Variants in C12orf42 observed in about 807,000 individuals in gnomAD.
The protein encoded by C12orf42 is uncharacterized protein C12orf42.
A neutral mutation model predicts 21.6 loss-of-function variants in C12orf42; 25 were observed. That is an observed-to-expected ratio of 1.16 (90% CI 0.84 to 1.62). The LOEUF (loss-of-function observed/expected upper bound fraction) is 1.62, where lower values mean the gene tolerates loss of function less well. C12orf42 is among the 40% of genes most tolerant of loss of function. C12orf42 has a pLI of 0.00. For missense variants in C12orf42, 483 were observed against 459.3 expected (o/e 1.05, Z -0.47); for synonymous variants, 174 against 175.0 (o/e 0.99, Z 0.05).
At chr12:103,495,180 T>C (rs1404527378) in intron 1 of C12orf42, among the ~76,000 whole-genome samples, 1 of 150,364 alleles carries the variant, frequency 6.7e-6, no homozygotes, top group Non-Finnish European at 1.5e-5. Flanking sequence ...GAAGGAGGGG[T>C]TAAGCGTTTA....
chr12:103,420,463 T>C (rs1420924191), intron 2 of C12orf42, among the ~76,000 whole-genome samples: 1 of 152,218 alleles, frequency 6.6e-6, no homozygotes, highest in African/African-American at 2.4e-5. Flanking sequence ...CTGTATCCCT[T>C]TACTGCTCAT....
At chr12:103,200,362 A>G in the C12orf42 span, among the ~76,000 whole-genome samples, 1 of 152,228 alleles carries the variant, frequency 6.6e-6, no homozygotes, top group South Asian at 2.1e-4. Flanking sequence ...GTCAAAAGGC[A>G]TAAAGTTTCA....
chr12:103,138,357 G>A, the C12orf42 span, among the ~76,000 whole-genome samples: 1 of 152,156 alleles, frequency 6.6e-6, no homozygotes, highest in Non-Finnish European at 1.5e-5. Context: ...TAGTGAGTGA[G>A]TTCTCACAAG....
the C12orf42 span, among the ~76,000 whole-genome samples, chr12:103,199,874 T>C: frequency 1.3e-5 from 2 of 152,154 alleles, no homozygotes; most frequent in African/African-American, 2.4e-5. Flanking sequence ...CCTTTTACAA[T>C]GTTAATGGGT....
At chr12:103,069,358 T>C in the C12orf42 span, among the ~76,000 whole-genome samples, 1 of 152,098 alleles carries the variant, frequency 6.6e-6, no homozygotes, top group Non-Finnish European at 1.5e-5. Flanking sequence ...TAAATGTATA[T>C]AATACGTTAA....
intron 3 of C12orf42, among the ~76,000 whole-genome samples, chr12:103,400,530 T>C (rs1320828458): frequency 6.6e-6 from 1 of 152,234 alleles, no homozygotes; most frequent in East Asian, 1.9e-4. Context: ...ATATAACTAA[T>C]GAAACACCAT....
At chr12:103,142,522 G>A in the C12orf42 span, among the ~76,000 whole-genome samples, 1 of 152,124 alleles carries the variant, frequency 6.6e-6, no homozygotes, top group African/African-American at 2.4e-5. Flanking sequence ...ACTAAATTTG[G>A]TAGACTTAAT....
intron 2 of C12orf42, among the ~76,000 whole-genome samples, chr12:103,419,565 A>G (rs963507046): frequency 6.6e-6 from 1 of 152,086 alleles, no homozygotes; most frequent in African/African-American, 2.4e-5. Flanking sequence ...ATGGCTATAA[A>G]GACCAGTGAC....
intron 2 of C12orf42, among the ~76,000 whole-genome samples, chr12:103,417,375 A>T (rs1048976082): frequency 2.6e-5 from 4 of 152,152 alleles, no homozygotes; most frequent in African/African-American, 9.7e-5. Flanking sequence ...GTTAAACTTC[A>T]TGTTATTTTC....
At chr12:103,407,569 A>G (rs1023691395) in intron 2 of C12orf42, among the ~76,000 whole-genome samples, 2 of 152,332 alleles carry the variant, frequency 1.3e-5, no homozygotes, top group South Asian at 2.1e-4. Flanking sequence ...TTAAGAATAC[A>G]GTATATAATA....
chr12:103,346,612 C>T (rs531505922), intron 4 of C12orf42, among the ~76,000 whole-genome samples: 1 of 152,278 alleles, frequency 6.6e-6, no homozygotes, highest in East Asian at 1.9e-4. Context: ...AAAGTTGTTA[C>T]TCCTCTCTGG....
chr12:103,085,008 G>A, the C12orf42 span, among the ~76,000 whole-genome samples: 1 of 152,168 alleles, frequency 6.6e-6, no homozygotes, highest in East Asian at 1.9e-4. Flanking sequence ...AGGAGAACTG[G>A]GTAAGACAAT....
chr12:103,406,441 G>C lies in C12orf42; in HGVS notation c.79-4766C>G, dbSNP rs543044419. Among the ~76,000 whole-genome samples the C allele has an allele frequency of 3.3e-5, 5 of 152,306 alleles. 1 individual carries two copies. The South Asian group carries it at 1.0e-3, about 32-fold the overall frequency. ...GATAGTGTAATAGATCAGAAATTAAGCAATAGAGGAATATCCATTACAGAT... is the reference window on the plus strand; with the variant it reads ...GATAGTGTAATAGATCAGAAATTAACCAATAGAGGAATATCCATTACAGAT... On this transcript the variant is annotated intron_variant, in intron 2 of 5. Coordinates refer to ENST00000548883, the MANE Select transcript of C12orf42 (RefSeq NM_198521.5).
intron 4 of C12orf42, chr12:103,349,359 TA>T (rs1393110511): frequency 6.6e-6 from 1 of 152,066 alleles, no homozygotes; most frequent in Non-Finnish European, 1.5e-5. Context: ...TGTGAGAGAA[TA>T]GAAAATATGA....
chr12:103,198,804 T>A, the C12orf42 span, among the ~76,000 whole-genome samples: 3 of 152,124 alleles, frequency 2.0e-5, no homozygotes, highest in Admixed American at 2.0e-4. Flanking sequence ...TCCCCCATGA[T>A]CCCAGGATCT....
chr12:103,503,074 C>T, the C12orf42 span, among the ~76,000 whole-genome samples: 4 of 152,250 alleles, frequency 2.6e-5, no homozygotes, highest in Admixed American at 1.3e-4. Context: ...CCAACTTCTT[C>T]GTAGAACAGT....
the C12orf42 span, among the ~76,000 whole-genome samples, chr12:103,507,226 TAAATATATATATATTATATATA>T: frequency 7.6e-5 from 3 of 39,586 alleles, no homozygotes; most frequent in African/African-American, 7.3e-4. Flanking sequence ...TATATAAATA[TAAATATATATATATTATATATA>T]ATATATAAAT....
chr12:103,233,968 C>T (rs77978101), downstream of C12orf42, among the ~76,000 whole-genome samples: 447 of 152,216 alleles, frequency 2.9e-3, 3 homozygotes, highest in Middle Eastern at 0.01. Context: ...AGGGAAGTTC[C>T]TCTCTATTTA....
At chr12:103,429,740 C>T (rs942585398) in intron 2 of C12orf42, among the ~76,000 whole-genome samples, 2 of 152,158 alleles carry the variant, frequency 1.3e-5, no homozygotes, top group African/African-American at 4.8e-5. Flanking sequence ...CTACAGTAAC[C>T]AAAACAGCAT....
Sources: gnomAD v4.1 joint callset for allele counts (sites outside exome capture counted in the v4.1 genomes callset) on GRCh38, gnomAD v4.1.1 for gene constraint, MANE v1.5 for transcripts, NCBI Gene and HGNC (gene_info 2026-07-23, HGNC 2026-07-21) for gene names.